Variants in ZBED3 observed in about 807,000 individuals in gnomAD.
ZBED3 encodes the protein zinc finger BED-type containing 3.
For synonymous variants in ZBED3, 175 were observed against 180.0 expected (o/e 0.97, Z 0.22); for missense variants, 388 against 362.9 (o/e 1.07, Z -0.56).
In ZBED3 at chr5:77,077,118, A is replaced by G; in HGVS notation, c.*56T>C. On this transcript the variant is annotated 3_prime_UTR_variant, in exon 3 of 3. Transcript: ENST00000255198. ...CGGCTTCGGTCCCAGCGGGGTCTGAAGGCATTGGCATTGGACGGAGAAGCG... is the reference window on the plus strand; with the variant it reads ...CGGCTTCGGTCCCAGCGGGGTCTGAGGGCATTGGCATTGGACGGAGAAGCG... 7.9e-7 allele frequency: 1 copy of G among 1,265,982 alleles called. No homozygotes were observed. The highest frequency in any genetic ancestry group is 1.0e-6 in the Non-Finnish European group (1 of 989,456). 78.4% of individuals were successfully genotyped at this position (1,265,982 alleles called of 1,614,324 possible). A position where few individuals can be genotyped will look rare whatever the true frequency, so the allele number is the denominator to read the frequency against.
rs1160586164 is a variant in ZBED3, at chr5:77,077,334, C to A, written c.545G>T (p.Arg182Leu). Residue 182 changes from arginine (R) to leucine (L), a missense_variant, in exon 3 of 3, where the codon CGC becomes CTC. By Grantham distance (102) the Arg-to-Leu change is moderately radical (BLOSUM62 -2). Coordinates refer to ENST00000255198, the MANE Select transcript of ZBED3 (RefSeq NM_032367.4). ...CTCCCGCTCGGCCTGCAGTTCCCGG[C>A]GCGCCTGGGCCGCGGCGCGCTCTTC... ...QEEERAAAQARRELQAEREAL... is the reference protein window; with the variant it reads ...QEEERAAAQALRELQAEREAL... 7.9e-7 allele frequency: 1 copy of A among 1,261,692 alleles called. No homozygotes were observed. Among genetic ancestry groups the A allele is most frequent in the Non-Finnish European group, 9.9e-7 (1 of 1,009,784 alleles). The allele number at this position is 1,261,692 out of a possible 1,614,324, so 78.2% of individuals were successfully genotyped here.
At chr5:77,085,172 G>T (rs185286873) in intron 1 of ZBED3, among the ~76,000 whole-genome samples, 2 of 152,252 alleles carry the variant, frequency 1.3e-5, no homozygotes, top group African/African-American at 4.8e-5. Context: ...TCCTTCTGAT[G>T]AACTATCAGA....
chr5:77,077,210 G>T lies in ZBED3; in HGVS notation c.669C>A (p.Asp223Glu). 1 of 1,503,022 alleles carries T rather than the reference G, an allele frequency of 6.7e-7. No homozygotes were observed. 93.1% of individuals were successfully genotyped at this position (1,503,022 alleles called of 1,614,324 possible). Residue 223 changes from aspartate to glutamate, a missense_variant, in exon 3 of 3, where the codon GAC (aspartate) becomes GAA (glutamate). Transcript: ENST00000255198. ...CCTTTGTGATGACGCAGCCGTCCCT[G>T]TCACCCTCGGGGTCGTCCTTGAGCG... ...PPPLKDDPEG[D>E]RDGCVITKVL...
chr5:77,080,059 CTAATT>C (rs1489085343), intron 1 of ZBED3, among the ~76,000 whole-genome samples: 1 of 152,150 alleles, frequency 6.6e-6, no homozygotes, highest in Non-Finnish European at 1.5e-5. Flanking sequence ...ATCTTTACGA[CTAATT>C]TACTTTATAA....
At chr5:77,079,762 T>C (rs1229695001) in intron 1 of ZBED3, among the ~76,000 whole-genome samples, 1 of 152,322 alleles carries the variant, frequency 6.6e-6, no homozygotes, top group East Asian at 1.9e-4. Flanking sequence ...ATGTATTACA[T>C]TGCTAAAGTC....
intron 1 of ZBED3, among the ~76,000 whole-genome samples, chr5:77,085,862 C>A (rs1743227572): frequency 6.6e-6 from 1 of 152,120 alleles, no homozygotes; most frequent in Non-Finnish European, 1.5e-5. Context: ...AACTGTAAAA[C>A]CTGAGTTGGG....
At chr5:77,079,515 C>A (rs1220974298) in intron 1 of ZBED3, 1 of 152,138 alleles carries the variant, frequency 6.6e-6, no homozygotes, top group Non-Finnish European at 1.5e-5. Context: ...TATTCTTTTT[C>A]CCACCAAGCA....
rs1302899630 is a variant in ZBED3 at position 77,077,467 on chromosome 5, CG to C, written c.411del (p.Ala138ArgfsTer62). On this transcript the variant is annotated frameshift_variant, in exon 3 of 3. Transcript: ENST00000255198. LOFTEE classifies it low-confidence loss of function (END_TRUNC). ...GDWARLLEQM[G>X]ALAVRGSRRE... The stretch of plus-strand genomic sequence containing the variant: ...CGCCGGCTGCCGCGCACGGCCAGCG[CG>C]CCCATCTGTTCCAGCAGGCGCGCCC... The C allele has an allele frequency of 2.5e-6, 3 of 1,205,872 alleles. No homozygotes were observed. Among genetic ancestry groups the C allele is most frequent in the Non-Finnish European group, 3.1e-6 (3 of 972,690 alleles). The allele number at this position is 1,205,872 out of a possible 1,614,324, so 74.7% of individuals were successfully genotyped here.
rs1290163564 is a variant in ZBED3 at position 77,076,003 on chromosome 5, A to G, written c.*1171T>C. The G allele has an allele frequency of 7.2e-5, 4 of 55,832 alleles. No individual in the cohort carries two copies. The highest frequency in any genetic ancestry group is 1.7e-4 in the African/African-American group (3 of 17,810). 3.5% of individuals were successfully genotyped at this position (55,832 alleles called of 1,614,324 possible). Reference sequence around the variant, plus strand: ...TATGTATATATATATGTATATATGTATATATATATGTATATATGTATATAT... The same window carrying G: ...TATGTATATATATATGTATATATGTGTATATATATGTATATATGTATATAT... On this transcript the variant is annotated 3_prime_UTR_variant, in exon 3 of 3. Transcript: ENST00000255198.
At position 77,077,779 on chromosome 5, in the gene ZBED3, T is replaced by G; in HGVS notation, c.100A>C (p.Thr34Pro). The change falls in exon 3 of 3, where the codon ACG becomes CCG. Residue 34 changes from threonine to proline, a missense_variant. By Grantham distance (38) the Thr-to-Pro change is conservative (BLOSUM62 -1). Transcript: ENST00000255198. Reference sequence around the variant, plus strand: ...CCCAGGCGGCCGGGAGGCGTCGGCGTCGGCGCCGGCCCCAGTCCCGGACAC... The same window carrying G: ...CCCAGGCGGCCGGGAGGCGTCGGCGGCGGCGCCGGCCCCAGTCCCGGACAC... ...GQCPGLGPAP[T>P]PTPPGRLGAP... 7.6e-7 allele frequency: 1 copy of G among 1,314,370 alleles called. No homozygotes were observed. Among genetic ancestry groups the G allele is most frequent in the Non-Finnish European group, 9.7e-7 (1 of 1,035,728 alleles). The allele number at this position is 1,314,370 out of a possible 1,614,324, so 81.4% of individuals were successfully genotyped here.
Position 77,081,065 on chromosome 5 carries a change from G to A in ZBED3, c.-152-2337C>T, listed in dbSNP as rs74456988. 3.6e-3 allele frequency among the ~76,000 whole-genome samples: 554 copies of A among 152,140 alleles called. 2 individuals carry two copies. Among genetic ancestry groups the A allele is most frequent in the African/African-American group, 0.013 (519 of 41,492 alleles). On this transcript the variant is annotated intron_variant, in intron 1 of 2. Transcript: ENST00000255198. ...AACACAATAAAAAGACAAAAAGACC[G>A]ACAGAAAAACAGACGAGAAATATGA...
At chr5:77,080,562 C>T (rs1328627422) in intron 1 of ZBED3, 1 of 519,240 alleles carries the variant, frequency 1.9e-6, no homozygotes, top group East Asian at 5.4e-5. Flanking sequence ...CTCACCTTCT[C>T]AGTCCTCCAC....
At position 77,076,367 on chromosome 5, in the gene ZBED3, C is replaced by T. The variant is rs75180394; in HGVS notation, c.*807G>A. 0.012 allele frequency: 1,792 copies of T among 152,182 alleles called. 22 individuals carry two copies. The highest frequency in any genetic ancestry group is 0.018 in the Non-Finnish European group (1,207 of 68,048). The allele number at this position is 152,182 out of a possible 1,614,324, so 9.4% of individuals were successfully genotyped here. ...TTCCCCTTCAGCCCAGAGGTGAGCA[C>T]TATGACGACATGTGGGGAAGAAGCC... is the stretch of plus-strand genomic sequence containing the variant. On this transcript the variant is annotated 3_prime_UTR_variant, in exon 3 of 3. Coordinates refer to ENST00000255198, the MANE Select transcript of ZBED3 (RefSeq NM_032367.4).
At chr5:77,082,824 TAAA>T (rs1470818995) in intron 1 of ZBED3, among the ~76,000 whole-genome samples, 2 of 152,162 alleles carry the variant, frequency 1.3e-5, no homozygotes, top group African/African-American at 2.4e-5. Context: ...TCTACATAAA[TAAA>T]AAATAATTTT....
At chr5:77,079,475 G>A (rs2150741275) in intron 1 of ZBED3, 1 of 152,342 alleles carries the variant, frequency 6.6e-6, no homozygotes, top group Admixed American at 6.5e-5. Flanking sequence ...TAGTCTTGTT[G>A]CAGATGCACT....
At chr5:77,086,081 T>C (rs1372837652) in intron 1 of ZBED3, among the ~76,000 whole-genome samples, 1 of 152,210 alleles carries the variant, frequency 6.6e-6, no homozygotes, top group Non-Finnish European at 1.5e-5. Context: ...AATTGTGAAG[T>C]GTTCTGCCCT....
Position 77,074,491 on chromosome 5 carries a change from A to C in ZBED3, c.*2683T>G, listed in dbSNP as rs1264122023. ...GATTCTTAGCCACTGTATGACTTGA[A>C]GGTGATACTAACTCCCCTGAACCTG... On this transcript the variant is annotated 3_prime_UTR_variant, in exon 3 of 3. Coordinates refer to ENST00000255198, the MANE Select transcript of ZBED3 (RefSeq NM_032367.4). 1 of 152,180 alleles carries C rather than the reference A, an allele frequency of 6.6e-6. No homozygotes were observed. The highest frequency in any genetic ancestry group is 2.4e-5 in the African/African-American group (1 of 41,448). The allele number at this position is 152,180 out of a possible 1,614,324, so 9.4% of individuals were successfully genotyped here.
chr5:77,082,461 A>T (rs1359111763), intron 1 of ZBED3, among the ~76,000 whole-genome samples: 1 of 152,212 alleles, frequency 6.6e-6, no homozygotes, highest in African/African-American at 2.4e-5. Flanking sequence ...GGCTGAGTAT[A>T]TAACATATGT....
At position 77,075,975 on chromosome 5, in the gene ZBED3, A is replaced by ATG. The variant is rs1465550799; in HGVS notation, c.*1198_*1199insCA. ...TATATATATATATATATGTATATGTATATATGTATATATATATGTATATAT... is the reference window on the plus strand; with the variant it reads ...TATATATATATATATATGTATATGTATGTATATGTATATATATATGTATATAT... On this transcript the variant is annotated 3_prime_UTR_variant, in exon 3 of 3. Transcript: ENST00000255198. 2.9e-5 allele frequency: 1 copy of ATG among 34,428 alleles called. No homozygotes were observed. The highest frequency in any genetic ancestry group is 5.7e-5 in the Non-Finnish European group (1 of 17,620). The allele number at this position is 34,428 out of a possible 1,614,324, so 2.1% of individuals were successfully genotyped here. A position where few individuals can be genotyped will look rare whatever the true frequency, so the allele number is the denominator to read the frequency against.
Sources: gnomAD v4.1 joint callset for allele counts (sites outside exome capture counted in the v4.1 genomes callset) on GRCh38, gnomAD v4.1.1 for gene constraint, MANE v1.5 for transcripts, NCBI Gene and HGNC (gene_info 2026-07-23, HGNC 2026-07-21) for gene names.